SPOCK3: variants seen among roughly 807,000 people sequenced by gnomAD.
The protein encoded by SPOCK3 is SPARC (osteonectin), cwcv and kazal like domains proteoglycan 3.
A neutral mutation model predicts 56.6 loss-of-function variants in SPOCK3; 30 were observed. The observed-to-expected ratio is 0.53, with a 90% CI of 0.40 to 0.72. The LOEUF is 0.72. SPOCK3 is among the 30% of genes least tolerant of loss of function. The pLI is 0.00. For synonymous variants in SPOCK3, 196 were observed against 183.3 expected (o/e 1.07, Z -0.56); for missense variants, 527 against 530.0 (o/e 0.99, Z 0.06).
intron 4 of SPOCK3, among the ~76,000 whole-genome samples, chr4:166,993,425 AG>A (rs1748016884): frequency 6.6e-6 from 1 of 152,168 alleles, no homozygotes; most frequent in Admixed American, 6.5e-5. Flanking sequence ...AGAATCATTA[AG>A]GGCAGCAAAT....
At chr4:166,894,719 G>A (rs1290665163) in intron 5 of SPOCK3, among the ~76,000 whole-genome samples, 2 of 152,022 alleles carry the variant, frequency 1.3e-5, no homozygotes, top group Non-Finnish European at 2.9e-5. Flanking sequence ...AGAACTTCCG[G>A]GAAAAAAAGT....
intron 6 of SPOCK3, among the ~76,000 whole-genome samples, chr4:166,831,073 T>A (rs2318494): frequency 0.88 from 133,787 of 152,222 alleles, 59,064 homozygotes; most frequent in African/African-American, 0.96. Flanking sequence ...ACTAGCAAAA[T>A]ATCAAAAACA....
intron 3 of SPOCK3, among the ~76,000 whole-genome samples, chr4:167,019,490 TTATA>T (rs1750967456): frequency 6.6e-6 from 1 of 151,588 alleles, no homozygotes; most frequent in Non-Finnish European, 1.5e-5. Flanking sequence ...ATATACAAAA[TTATA>T]TATAGTATAC....
chr4:166,755,708 C>T (rs1049538064), intron 7 of SPOCK3, among the ~76,000 whole-genome samples: 2 of 152,154 alleles, frequency 1.3e-5, no homozygotes, highest in African/African-American at 4.8e-5. Flanking sequence ...ATGTAATCTT[C>T]AACAACAGGG....
chr4:167,230,879 A>G (rs559217869), intron 2 of SPOCK3, among the ~76,000 whole-genome samples: 1 of 152,272 alleles, frequency 6.6e-6, no homozygotes, highest in Non-Finnish European at 1.5e-5. Flanking sequence ...TTGCTAGCAT[A>G]GAGCAGTCAA....
chr4:166,842,640 T>C (rs765161717), intron 6 of SPOCK3, among the ~76,000 whole-genome samples: 1 of 152,142 alleles, frequency 6.6e-6, no homozygotes. Flanking sequence ...CCAGAGTAGC[T>C]AGTTACAGAG....
At chr4:166,954,084 TAA>T (rs112199696) in intron 4 of SPOCK3, among the ~76,000 whole-genome samples, 1 of 151,530 alleles carries the variant, frequency 6.6e-6, no homozygotes, top group South Asian at 2.1e-4. Context: ...TAAAGTATAA[TAA>T]AAAAAAAGAA....
At chr4:167,000,833 C>T (rs896524260) in intron 3 of SPOCK3, among the ~76,000 whole-genome samples, 4 of 152,200 alleles carry the variant, frequency 2.6e-5, no homozygotes, top group Admixed American at 2.0e-4. Context: ...GCAATCTATA[C>T]CCTTGCTTTC....
At chr4:167,165,253 C>T (rs188331754) in intron 2 of SPOCK3, among the ~76,000 whole-genome samples, 227 of 152,180 alleles carry the variant, frequency 1.5e-3, no homozygotes, top group Non-Finnish European at 1.9e-3. Context: ...GCAAAAGAAA[C>T]CAGCATCAGA....
chr4:166,942,889 C>T (rs902268853), intron 4 of SPOCK3, among the ~76,000 whole-genome samples: 3 of 152,138 alleles, frequency 2.0e-5, no homozygotes, highest in African/African-American at 7.2e-5. Context: ...AATTTTAAGT[C>T]ATTTTAGAAT....
At chr4:166,872,055 T>TAC (rs375568982) in intron 6 of SPOCK3, among the ~76,000 whole-genome samples, 2,220 of 149,070 alleles carry the variant, frequency 0.015, 60 homozygotes, top group African/African-American at 0.05. Flanking sequence ...CACACAAACA[T>TAC]ACACACACAC....
intron 2 of SPOCK3, among the ~76,000 whole-genome samples, chr4:167,174,818 C>T (rs139099799): frequency 1.7e-4 from 26 of 152,230 alleles, no homozygotes; most frequent in African/African-American, 5.5e-4. Context: ...CGCGTGCACA[C>T]GCACACAAAC....
At chr4:167,089,233 CCAAA>C (rs1334762810) in intron 2 of SPOCK3, among the ~76,000 whole-genome samples, 60 of 152,028 alleles carry the variant, frequency 3.9e-4, no homozygotes, top group African/African-American at 1.3e-3. Flanking sequence ...CAACAACCGA[CCAAA>C]CAAACAAAAA....
chr4:167,205,227 T>C (rs1170888063), intron 2 of SPOCK3, among the ~76,000 whole-genome samples: 4 of 95,886 alleles, frequency 4.2e-5, no homozygotes, highest in African/African-American at 1.7e-4. Context: ...ATATATTTTA[T>C]ATCTATAATA....
chr4:166,768,367 T>C (rs879660335), intron 7 of SPOCK3, among the ~76,000 whole-genome samples: 1 of 152,206 alleles, frequency 6.6e-6, no homozygotes, highest in Non-Finnish European at 1.5e-5. Context: ...TCAGGAGCTC[T>C]TGTAGGGCAG....
At chr4:166,962,400 G>A (rs747600451) in intron 4 of SPOCK3, among the ~76,000 whole-genome samples, 11 of 152,038 alleles carry the variant, frequency 7.2e-5, no homozygotes, top group Non-Finnish European at 1.5e-4. Flanking sequence ...TTGTAGAAAC[G>A]ACACTTCTCT....
intron 8 of SPOCK3, among the ~76,000 whole-genome samples, chr4:166,742,797 C>T (rs933900713): frequency 4.6e-5 from 7 of 152,156 alleles, no homozygotes; most frequent in Admixed American, 3.3e-4. Context: ...TGAAGGAGGA[C>T]GTTCGTAGAG....
intron 6 of SPOCK3, among the ~76,000 whole-genome samples, chr4:166,810,709 T>C (rs1316067175): frequency 6.6e-6 from 1 of 152,030 alleles, no homozygotes; most frequent in South Asian, 2.1e-4. Flanking sequence ...TCATTTTTTA[T>C]TGTTAGTTTA....
chr4:166,926,149 T>A (rs1739071444), intron 4 of SPOCK3, among the ~76,000 whole-genome samples: 1 of 150,502 alleles, frequency 6.6e-6, no homozygotes, highest in African/African-American at 2.4e-5. Flanking sequence ...GACATAATAA[T>A]CCCTTTGGTG....
Sources: allele counts gnomAD v4.1 joint callset (sites outside exome capture counted in the v4.1 genomes callset), GRCh38; gene constraint gnomAD v4.1.1; transcripts MANE v1.5; gene names NCBI Gene and HGNC (gene_info 2026-07-23, HGNC 2026-07-21).